HDAC9: variants seen among roughly 807,000 people sequenced by gnomAD.
The protein encoded by HDAC9 is histone deacetylase 9.
HDAC9 carries 41 observed loss-of-function variants against 139.4 expected under a neutral mutation model. The ratio of observed to expected loss-of-function variants is 0.29; its 90% CI spans 0.23 to 0.38. HDAC9 has a LOEUF of 0.38. Among genes scored for constraint, HDAC9 ranks in the 10% least tolerant of loss-of-function variants. The pLI is 1.00. For synonymous variants in HDAC9, 517 were observed against 476.2 expected, an observed-to-expected ratio of 1.09 and a Z score of -1.12; for missense variants, 1,147 against 1,297.0, an observed-to-expected ratio of 0.88 and a Z score of 1.78.
intron 13 of HDAC9, among the ~76,000 whole-genome samples, chr7:18,732,626 C>T (rs988747068): frequency 7.2e-6 from 1 of 139,230 alleles, no homozygotes; most frequent in Non-Finnish European, 1.5e-5. Flanking sequence ...TATACACACA[C>T]GTGTATATGT....
At chr7:18,920,927 C>T (rs1039900061) in intron 22 of HDAC9, among the ~76,000 whole-genome samples, 12 of 151,838 alleles carry the variant, frequency 7.9e-5, no homozygotes, top group Middle Eastern at 3.4e-3. Context: ...GAAATAATGC[C>T]GCATATCTAC....
At chr7:18,383,242 C>T (rs1035612149) in intron 1 of HDAC9, among the ~76,000 whole-genome samples, 7 of 152,170 alleles carry the variant, frequency 4.6e-5, no homozygotes, top group Non-Finnish European at 7.3e-5. Flanking sequence ...ACCCAGAAAT[C>T]GATGTGCTCG....
intron 1 of HDAC9, among the ~76,000 whole-genome samples, chr7:18,342,473 T>C (rs1782091275): frequency 6.6e-6 from 1 of 151,924 alleles, no homozygotes; most frequent in South Asian, 2.1e-4. Flanking sequence ...TCAGGTGGGA[T>C]AGTAAATCTG....
chr7:18,733,271 GGTATATATGT>G (rs56294543), intron 13 of HDAC9, among the ~76,000 whole-genome samples: 27,917 of 146,354 alleles, frequency 0.19, 2,922 homozygotes, highest in East Asian at 0.42. Flanking sequence ...TATATACACA[GGTATATATGT>G]GTATATATGT....
intron 23 of HDAC9, chr7:18,949,095 G>GT (rs779683809): frequency 8.5e-5 from 28 of 327,550 alleles, no homozygotes; most frequent in Admixed American, 3.2e-4. Context: ...TTTTTTTTCT[G>GT]TTTTTTGAAG....
intron 6 of HDAC9, among the ~76,000 whole-genome samples, chr7:18,603,372 T>A (rs1194575881): frequency 1.3e-5 from 2 of 152,076 alleles, no homozygotes; most frequent in Non-Finnish European, 2.9e-5. Flanking sequence ...TTTAAAAAAA[T>A]ATTCACTTCT....
chr7:18,263,325 C>A (rs1279067794), intron 2 of HDAC9, among the ~76,000 whole-genome samples: 1 of 152,080 alleles, frequency 6.6e-6, no homozygotes, highest in East Asian at 1.9e-4. Flanking sequence ...TACCAATTTT[C>A]TCATAATCTC....
intron 21 of HDAC9, among the ~76,000 whole-genome samples, chr7:18,846,550 A>G (rs1796919060): frequency 6.6e-6 from 1 of 152,230 alleles, no homozygotes; most frequent in African/African-American, 2.4e-5. Context: ...GAAACAGTAT[A>G]CACGTTTGGC....
intron 1 of HDAC9, among the ~76,000 whole-genome samples, chr7:18,302,309 A>C (rs1257693874): frequency 6.6e-6 from 1 of 152,202 alleles, no homozygotes. Context: ...TGTAGTTTAT[A>C]TGCATCATCT....
chr7:18,638,125 T>C (rs1271105498), intron 8 of HDAC9, among the ~76,000 whole-genome samples: 1 of 152,116 alleles, frequency 6.6e-6, no homozygotes, highest in Non-Finnish European at 1.5e-5. Flanking sequence ...TTTTACTGTT[T>C]TTGCTTAAGC....
intron 24 of HDAC9, among the ~76,000 whole-genome samples, chr7:18,974,115 C>A (rs1273502603): frequency 6.6e-6 from 1 of 152,198 alleles, no homozygotes; most frequent in African/African-American, 2.4e-5. Context: ...CAGTAAAACA[C>A]AGAGACTCCA....
chr7:18,694,291 G>A (rs1782878459), intron 12 of HDAC9, among the ~76,000 whole-genome samples: 1 of 152,140 alleles, frequency 6.6e-6, no homozygotes, highest in Non-Finnish European at 1.5e-5. Flanking sequence ...AGGGTTAATT[G>A]TCACAAAGGA....
chr7:18,932,848 AAAAGAAAGAAAGAAAG>A (rs71017014), intron 22 of HDAC9, among the ~76,000 whole-genome samples: 4 of 138,204 alleles, frequency 2.9e-5, no homozygotes, highest in African/African-American at 1.1e-4. Context: ...AGGAAGGAAA[AAAAGAAAGAAAGAAAG>A]AAAGAAAGAA....
rs547032524 is a variant in HDAC9, at chr7:18,122,275, T to C, written c.-97+35062T>C. On this transcript the variant is annotated intron_variant, in intron 1 of 12. Transcript: ENST00000417496. ...GTTGTCAGTTATGTGTGTAGGTTGG[T>C]GAGAATATGGATATGTTATATGAGG... 6.6e-4 allele frequency among the ~76,000 whole-genome samples: 101 copies of C among 152,262 alleles called. No individual in the cohort carries two copies. In the Middle Eastern group the frequency reaches 0.01, roughly 15 times the overall value.
At chr7:18,105,883 A>G (rs1314543025) in intron 1 of HDAC9, among the ~76,000 whole-genome samples, 1 of 152,236 alleles carries the variant, frequency 6.6e-6, no homozygotes, top group Non-Finnish European at 1.5e-5. Context: ...ACAATGGCAT[A>G]TTACTAGGTA....
At chr7:18,590,512 G>T in intron 4 of HDAC9, 26 bp downstream of exon 4, 1 of 1,576,930 alleles carries the variant, frequency 6.3e-7, no homozygotes, top group East Asian at 2.3e-5. Context: ...GTAAACGATG[G>T]ACTCTCTTTC....
At chr7:18,602,184 T>G (rs1834133966) in intron 6 of HDAC9, among the ~76,000 whole-genome samples, 1 of 152,242 alleles carries the variant, frequency 6.6e-6, no homozygotes, top group Non-Finnish European at 1.5e-5. Context: ...ACTTGTGAGT[T>G]TTAGTAATTT....
chr7:18,348,707 T>A (rs995151042), intron 1 of HDAC9, among the ~76,000 whole-genome samples: 1 of 152,152 alleles, frequency 6.6e-6, no homozygotes, highest in African/African-American at 2.4e-5. Flanking sequence ...ACACAAACTT[T>A]CTCCTTCTGC....
At position 18,138,558 on chromosome 7, in the gene HDAC9, G is replaced by A. The variant is rs992038620; in HGVS notation, c.-96-23671G>A. 2.1e-5 allele frequency among the ~76,000 whole-genome samples: 3 copies of A among 144,800 alleles called. No individual in the cohort carries two copies. In the East Asian group the frequency reaches 5.8e-4, roughly 28 times the overall value. 95.0% of individuals were successfully genotyped at this position (144,800 alleles called of 152,430 possible). On this transcript the variant is annotated intron_variant, in intron 1 of 12. Transcript: ENST00000417496. ...TGTGTGTGTGTGTGTGTGTGTGTGTGTGTGTGCACATGCTCATTTAGTTAT... is the reference window on the plus strand; with the variant it reads ...TGTGTGTGTGTGTGTGTGTGTGTGTATGTGTGCACATGCTCATTTAGTTAT...
Sources: gnomAD v4.1 joint callset for allele counts (sites outside exome capture counted in the v4.1 genomes callset) on GRCh38, gnomAD v4.1.1 for gene constraint, MANE v1.5 for transcripts, NCBI Gene and HGNC (gene_info 2026-07-23, HGNC 2026-07-21) for gene names.